The following HNRNPH2 variants were observed in gnomAD, a reference collection of about 807,000 sequenced individuals.
HNRNPH2 encodes heterogeneous nuclear ribonucleoprotein H2, also known as FTP-3.
For synonymous variants in HNRNPH2, 128 were observed against 128.2 expected (o/e 1.00, Z 0.01); for missense variants, 115 against 352.9 (o/e 0.33, Z 5.40).
rs1470699475 is a variant in HNRNPH2, at chrX:101,414,030, T to A, written c.*692T>A. 1 of 121,813 alleles carries A rather than the reference T, an allele frequency of 8.2e-6. No homozygotes were observed. Among genetic ancestry groups the A allele is most frequent in the Non-Finnish European group, 1.9e-5 (1 of 52,982 alleles). The allele number at this position is 121,813 out of a possible 1,213,427, so 10.0% of individuals were successfully genotyped here. A position where few individuals can be genotyped will look rare whatever the true frequency, so the allele number is the denominator to read the frequency against. On this transcript the variant is annotated 3_prime_UTR_variant, in exon 2 of 2. Transcript: ENST00000316594. Reference sequence around the variant, plus strand: ...TGGTCGTGTCGTTTGTATGAAAATCTGAGGCTTTGGTTTAAATCTTTCCTT... The same window carrying A: ...TGGTCGTGTCGTTTGTATGAAAATCAGAGGCTTTGGTTTAAATCTTTCCTT...
intron 1 of HNRNPH2, 105 bp from the exon 2 acceptor site, chrX:101,411,831 A>G: frequency 1.1e-6 from 1 of 878,804 alleles, no homozygotes; most frequent in Non-Finnish European, 1.6e-6. Context: ...CGTCTTACAG[A>G]AAAGCTGTCA....
chrX:101,411,811 T>C (rs1928815237), intron 1 of HNRNPH2, 125 bp from the exon 2 acceptor site: 1 of 743,487 alleles, frequency 1.3e-6, no homozygotes, highest in African/African-American at 2.2e-5. Context: ...GAACTCTCTG[T>C]TTATACAGAC....
In HNRNPH2 at chrX:101,412,282, G is replaced by A. The variant is rs1555988356; in HGVS notation, c.294G>A (p.Lys98=). ...GTGTTGAAATGGATTGGGTGTTGAA[G>A]CATACAGGTCCGAATAGCCCTGATA... ...SNSVEMDWVL[K]HTGPNSPDTA... The change falls in exon 2 of 2, where the codon AAG becomes AAA. Residue 98 remains lysine (K), a synonymous_variant. Coordinates refer to ENST00000316594, the MANE Select transcript of HNRNPH2 (RefSeq NM_019597.5). 3 of 1,211,040 alleles carry A rather than the reference G, an allele frequency of 2.5e-6. No homozygotes were observed. Among genetic ancestry groups the A allele is most frequent in the African/African-American group, 1.7e-5 (1 of 57,902 alleles).
chrX:101,410,313 G>C (rs1210020405), intron 1 of HNRNPH2, among the ~76,000 whole-genome samples: 3 of 111,918 alleles, frequency 2.7e-5, no homozygotes, highest in South Asian at 3.7e-4. Context: ...GGATATAGTG[G>C]GGTTTATCAA....
chrX:101,412,489 G>A lies in HNRNPH2; in HGVS notation c.501G>A (p.Lys167=), dbSNP rs375583741. The A allele has an allele frequency of 5.0e-6, 6 of 1,212,006 alleles. No homozygotes were observed. The highest frequency in any genetic ancestry group is 1.8e-5 in the South Asian group (1 of 57,015). The change falls in exon 2 of 2, where the codon AAG becomes AAA. Residue 167 remains lysine, a synonymous_variant. Transcript: ENST00000316594. ...TTGCTTCACAGGAGATAGCTGAGAA[G>A]GCCTTAAAGAAACACAAGGAAAGAA... ...VQFASQEIAE[K]ALKKHKERIG... is the part of the protein sequence containing the mutation.
chrX:101,408,356 GTGA>G (rs1189546130), intron 1 of HNRNPH2, 37 bp downstream of exon 1: 1 of 181,442 alleles, frequency 5.5e-6, no homozygotes, highest in Non-Finnish European at 1.0e-5. Context: ...CCCAGGGGTG[GTGA>G]TGATGAAGAC....
Position 101,412,453 on chromosome X carries a change from C to T in HNRNPH2, c.465C>T (p.Ala155=), listed in dbSNP as rs782077276. The T allele has an allele frequency of 2.5e-6, 3 of 1,210,702 alleles. No homozygotes were observed. The African/African-American group carries it at 5.2e-5, about 21-fold the overall frequency. Residue 155 remains alanine, a synonymous_variant, in exon 2 of 2, where the codon GCC becomes GCT. Coordinates refer to ENST00000316594, the MANE Select transcript of HNRNPH2 (RefSeq NM_019597.5). ...VDFQGRSTGE[A]FVQFASQEIA... ...TTCAGGGGCGAAGCACAGGGGAAGCCTTTGTGCAGTTTGCTTCACAGGAGA... is the reference window on the plus strand; with the variant it reads ...TTCAGGGGCGAAGCACAGGGGAAGCTTTTGTGCAGTTTGCTTCACAGGAGA...
intron 1 of HNRNPH2, among the ~76,000 whole-genome samples, chrX:101,410,209 A>G (rs782384893): frequency 1.8e-5 from 2 of 112,571 alleles, no homozygotes; most frequent in South Asian, 7.2e-4. Context: ...ATAGCTCCAT[A>G]AATCTGTCTG....
Position 101,412,637 on chromosome X carries a change from A to C in HNRNPH2, c.649A>C (p.Arg217=). 1 of 1,211,190 alleles carries C rather than the reference A, an allele frequency of 8.3e-7. No homozygotes were observed. Among genetic ancestry groups the C allele is most frequent in the Non-Finnish European group, 1.1e-6 (1 of 894,690 alleles). ...PGPYDRPGAG[R]GYNSIGRGAG... ...TCCCTATGATAGGCCGGGGGCTGGC[A>C]GAGGGTATAATAGCATTGGCAGAGG... The change falls in exon 2 of 2, where the codon AGA becomes CGA. Residue 217 remains arginine, a synonymous_variant. Coordinates refer to ENST00000316594, the MANE Select transcript of HNRNPH2 (RefSeq NM_019597.5).
chrX:101,413,079 C>T lies in HNRNPH2; in HGVS notation c.1091C>T (p.Thr364Ile). 1 of 1,211,914 alleles carries T rather than the reference C, an allele frequency of 8.3e-7. No homozygotes were observed. Among genetic ancestry groups the T allele is most frequent in the Non-Finnish European group, 1.1e-6 (1 of 895,485 alleles). The stretch of plus-strand genomic sequence containing the variant: ...TATGTGGAGCTCTTCTTAAATTCTA[C>T]TGCAGGAACAAGTGGGGGTGCTTAC... ...HRYVELFLNSTAGTSGGAYDH... is the reference protein window; with the variant it reads ...HRYVELFLNSIAGTSGGAYDH... Residue 364 changes from threonine (T) to isoleucine (I), a missense_variant, in exon 2 of 2, where the codon ACT (threonine) becomes ATT (isoleucine). Physicochemically the swap from Thr to Ile is moderately conservative, Grantham distance 89. Transcript: ENST00000316594.
At chrX:101,411,821 C>A in intron 1 of HNRNPH2, 115 bp from the exon 2 acceptor site, 1 of 795,265 alleles carries the variant, frequency 1.3e-6, no homozygotes, top group Non-Finnish European at 1.8e-6. Flanking sequence ...TTTATACAGA[C>A]GTCTTACAGA....
rs1928856482 is a variant in HNRNPH2, at chrX:101,413,126, T to C, written c.1138T>C (p.Phe380Leu). The C allele has an allele frequency of 1.7e-6, 2 of 1,210,003 alleles. No homozygotes were observed. The highest frequency in any genetic ancestry group is 1.8e-5 in the South Asian group (1 of 56,838). Residue 380 changes from phenylalanine (F) to leucine (L), a missense_variant, in exon 2 of 2, where the codon TTT becomes CTT. Phe to Leu is a conservative substitution (Grantham distance 22). Transcript: ENST00000316594. The stretch of plus-strand genomic sequence containing the variant: ...TTACGATCACAGCTATGTAGAACTT[T>C]TTTTGAATTCTACAGCAGGGGCAAG... Reference protein sequence around the residue: ...GAYDHSYVELFLNSTAGASGG... With the variant: ...GAYDHSYVELLLNSTAGASGG...
At position 101,413,000 on chromosome X, in the gene HNRNPH2, C is replaced by T; in HGVS notation, c.1012C>T (p.His338Tyr). The T allele has an allele frequency of 1.7e-6, 2 of 1,210,120 alleles. No individual in the cohort carries two copies. The highest frequency in any genetic ancestry group is 2.2e-6 in the Non-Finnish European group (2 of 894,008). ...TGEADVEFAT[H>Y]EDAVAAMAKD... ...TGAGGCAGATGTTGAATTTGCTACT[C>T]ATGAAGATGCTGTGGCAGCTATGGC... is the stretch of plus-strand genomic sequence containing the variant. Residue 338 changes from histidine (H) to tyrosine (Y), a missense_variant, in exon 2 of 2, where the codon CAT (histidine) becomes TAT (tyrosine). Coordinates refer to ENST00000316594, the MANE Select transcript of HNRNPH2 (RefSeq NM_019597.5).
rs1928875982 is a variant in HNRNPH2, at chrX:101,413,640, G to A, written c.*302G>A. On this transcript the variant is annotated 3_prime_UTR_variant, in exon 2 of 2. Transcript: ENST00000316594. ...TTTGAACACTGAAACATTCATCTAG[G>A]ACATAATAACAAAGTTCAGTATTGA... is the stretch of plus-strand genomic sequence containing the variant. 4.3e-6 allele frequency: 1 copy of A among 231,651 alleles called. No homozygotes were observed. Among genetic ancestry groups the A allele is most frequent in the African/African-American group, 2.9e-5 (1 of 34,404 alleles). The allele number at this position is 231,651 out of a possible 1,213,427, so 19.1% of individuals were successfully genotyped here. A position where few individuals can be genotyped will look rare whatever the true frequency, so the allele number is the denominator to read the frequency against.
In HNRNPH2 at chrX:101,408,862, A is replaced by G. The variant is rs782510262; in HGVS notation, c.-54+543A>G. On this transcript the variant is annotated intron_variant, in intron 1 of 1. Coordinates refer to ENST00000316594, the MANE Select transcript of HNRNPH2 (RefSeq NM_019597.5). ...ATTCAATTTCGAACATTTGAAAAAT[A>G]ACAATATAGTATAAAATTTAAAAAT... 1.2e-4 allele frequency among the ~76,000 whole-genome samples: 13 copies of G among 112,723 alleles called. No individual in the cohort carries two copies. In the East Asian group the frequency reaches 3.6e-3, roughly 31 times the overall value.
chrX:101,410,362 G>A (rs782436413), intron 1 of HNRNPH2, among the ~76,000 whole-genome samples: 17 of 112,222 alleles, frequency 1.5e-4, no homozygotes, highest in Non-Finnish European at 3.0e-4. Flanking sequence ...TCTTCTGGTA[G>A]TGTATTAGTT....
chrX:101,412,124 A>G lies in HNRNPH2; in HGVS notation c.136A>G (p.Ile46Val). The change falls in exon 2 of 2, where the codon ATC becomes GTC. Residue 46 changes from isoleucine (I) to valine (V), a missense_variant. Ile to Val is a conservative substitution (Grantham distance 29). Transcript: ENST00000316594. ...AAATGGCACATCAGGTATTCGTTTC[A>G]TCTACACCAGAGAAGGCAGACCAAG... Reference protein sequence around the residue: ...IQNGTSGIRFIYTREGRPSGE... With the variant: ...IQNGTSGIRFVYTREGRPSGE... 2 of 1,211,880 alleles carry G rather than the reference A, an allele frequency of 1.7e-6. No individual in the cohort carries two copies. Among genetic ancestry groups the G allele is most frequent in the Non-Finnish European group, 2.2e-6 (2 of 895,465 alleles).
chrX:101,408,450 C>G (rs1244486512), intron 1 of HNRNPH2, 131 bp downstream of exon 1: 2 of 154,345 alleles, frequency 1.3e-5, no homozygotes, highest in East Asian at 1.7e-4. Context: ...CCTCCTCCCC[C>G]CCATCTCAGT....
chrX:101,411,624 A>T (rs1248948065), intron 1 of HNRNPH2, among the ~76,000 whole-genome samples: 1 of 109,353 alleles, frequency 9.1e-6, no homozygotes, highest in Non-Finnish European at 1.9e-5. Context: ...CATGTTGACC[A>T]GGCTGGTCTC....
Sources: allele counts gnomAD v4.1 joint callset (sites outside exome capture counted in the v4.1 genomes callset), GRCh38; gene constraint gnomAD v4.1.1; transcripts MANE v1.5; gene names NCBI Gene and HGNC (gene_info 2026-07-23, HGNC 2026-07-21).